CYP4F22: variants seen among roughly 807,000 people sequenced by gnomAD.
CYP4F22 encodes cytochrome P450 family 4 subfamily F member 22, also known as ultra-long-chain fatty acid omega-hydroxylase.
In CYP4F22, 37 loss-of-function variants were observed where a neutral mutation model predicts 60.4. That is an observed-to-expected ratio of 0.61 (90% confidence interval 0.47 to 0.81). The LOEUF (loss-of-function observed/expected upper bound fraction) is 0.81, where lower values mean the gene tolerates loss of function less well. Among genes scored for constraint, CYP4F22 ranks in the 30% least tolerant of loss-of-function variants. The pLI, the probability that CYP4F22 is intolerant of heterozygous loss-of-function variation, is 0.00. For missense variants in CYP4F22, 655 were observed against 715.0 expected (o/e 0.92, Z 0.96); for synonymous variants, 258 against 280.5 (o/e 0.92, Z 0.80).
chr19:15,551,434 T>C lies in CYP4F22; in HGVS notation c.1559T>C (p.Leu520Pro), dbSNP rs1297078466. 6.3e-7 allele frequency: 1 copy of C among 1,583,678 alleles called. No individual in the cohort carries two copies. The highest frequency in any genetic ancestry group is 1.1e-5 in the South Asian group (1 of 87,084). Residue 520 changes from leucine (L) to proline (P), a missense_variant, in exon 14 of 14, where the codon CTC (leucine) becomes CCC (proline). By Grantham distance (98) the Leu-to-Pro change is moderately conservative (BLOSUM62 -3). Around this residue, in one of 3 missense-constraint regions of CYP4F22, gnomAD observed 151 missense variants for 139.4 expected, o/e 1.08. Transcript: ENST00000269703. ...CTCATACTGCGCACGGAGAACGGGC[T>C]CTGGCTCAAGGTGGAGCCGCTGCCT... ...PELILRTENG[L>P]WLKVEPLPPR... is the part of the protein sequence containing the mutation.
At chr19:15,519,918 G>A (rs1424990962) in intron 1 of CYP4F22, among the ~76,000 whole-genome samples, 1 of 152,202 alleles carries the variant, frequency 6.6e-6, no homozygotes, top group Non-Finnish European at 1.5e-5. Context: ...GTCACCCCGA[G>A]GTACAAACAG....
intron 1 of CYP4F22, among the ~76,000 whole-genome samples, chr19:15,510,966 A>ATATTTTT (rs34055543): frequency 1.1e-4 from 11 of 103,306 alleles, no homozygotes; most frequent in African/African-American, 4.1e-4. Flanking sequence ...ATATATATAT[A>ATATTTTT]TTTTTTTTTT....
chr19:15,537,400 TA>T lies in CYP4F22; in HGVS notation c.411del (p.Lys137AsnfsTer4), dbSNP rs1971408638. 3 of 1,614,220 alleles carry T rather than the reference TA, an allele frequency of 1.9e-6. No homozygotes were observed. Among genetic ancestry groups the T allele is most frequent in the Non-Finnish European group, 2.5e-6 (3 of 1,180,020 alleles). ...APKDDLFYGF[L>X]KPWLGDGLLL... ...AAGGATGACCTCTTCTATGGCTTCC[TA>T]AAACCTTGGCTAGGTGAGTGCCCAG... On this transcript the variant is annotated frameshift_variant, in exon 5 of 14. Coordinates refer to ENST00000269703, the MANE Select transcript of CYP4F22 (RefSeq NM_173483.4). LOFTEE classifies it high-confidence loss of function.
intron 1 of CYP4F22, among the ~76,000 whole-genome samples, chr19:15,517,437 C>T (rs535605582): frequency 3.9e-5 from 6 of 152,268 alleles, no homozygotes; most frequent in Non-Finnish European, 7.4e-5. Context: ...GGTAGGGGGA[C>T]GGGGAGGTGA....
intron 4 of CYP4F22, among the ~76,000 whole-genome samples, chr19:15,536,028 T>C (rs1241827532): frequency 6.6e-6 from 1 of 152,062 alleles, no homozygotes; most frequent in Admixed American, 6.6e-5. Flanking sequence ...CGTGGTCTTT[T>C]TAAGGAGCTG....
chr19:15,546,353 G>A (rs1464230316), intron 10 of CYP4F22, among the ~76,000 whole-genome samples: 5 of 152,200 alleles, frequency 3.3e-5, no homozygotes, highest in African/African-American at 1.2e-4. Flanking sequence ...GGAGGCTAAG[G>A]CGGGTGGATC....
Position 15,550,746 on chromosome 19 carries a change from G to T in CYP4F22, c.1408G>T (p.Ala470Ser), listed in dbSNP as rs1356671281. 3.1e-6 allele frequency: 5 copies of T among 1,614,194 alleles called. No homozygotes were observed. The East Asian group carries it at 8.9e-5, about 29-fold the overall frequency. ...RSPLAYVPFSAGPRNCIGQSF... is the reference protein window; with the variant it reads ...RSPLAYVPFSSGPRNCIGQSF... ...TCCACTGGCCTATGTGCCCTTCTCT[G>T]CAGGACCCAGGTAACCCCTCTATTT... Residue 470 changes from alanine (A) to serine (S), a missense_variant, in exon 13 of 14, where the codon GCA becomes TCA. Ala to Ser is a moderately conservative substitution (Grantham distance 99). Around this residue, in one of 3 missense-constraint regions of CYP4F22, gnomAD observed 151 missense variants for 139.4 expected, o/e 1.08. Coordinates refer to ENST00000269703, the MANE Select transcript of CYP4F22 (RefSeq NM_173483.4).
chr19:15,529,682 T>A (rs372685519), intron 3 of CYP4F22, 27 bp from the exon 4 acceptor site: 76 of 1,613,594 alleles, frequency 4.7e-5, no homozygotes, highest in Non-Finnish European at 6.2e-5. Context: ...GGGTACCTCC[T>A]CATTGCTCCT....
rs143506697 is a variant in CYP4F22 at position 15,540,531 on chromosome 19, C to T, written c.753C>T (p.Leu251=). 4.5e-5 allele frequency: 73 copies of T among 1,614,204 alleles called. No individual in the cohort carries two copies. The highest frequency in any genetic ancestry group is 5.9e-5 in the Non-Finnish European group (70 of 1,180,036). ...VRRQYRLHHY[L]DFIYYRSADG... is the part of the protein sequence containing the mutation. ...GCCAGTATCGCTTGCACCACTACCT[C>T]GACTTCATTTACTACCGCTCGGCGG... The change falls in exon 8 of 14, where the codon CTC becomes CTT. Residue 251 remains leucine, a synonymous_variant. Transcript: ENST00000269703.
chr19:15,551,969 C>T lies in CYP4F22; in HGVS notation c.*498C>T. 1 of 156,182 alleles carries T rather than the reference C, an allele frequency of 6.4e-6. No individual in the cohort carries two copies. Among genetic ancestry groups the T allele is most frequent in the Admixed American group, 6.4e-5 (1 of 15,622 alleles). 9.7% of individuals were successfully genotyped at this position (156,182 alleles called of 1,614,324 possible). On this transcript the variant is annotated 3_prime_UTR_variant, in exon 14 of 14. Transcript: ENST00000269703. ...TGGAGCCTGACGTCAGAGCTTTTAA[C>T]TCGGACATCACCCTCCTGAGGCCCT...
At chr19:15,546,100 G>A (rs1243475516) in intron 10 of CYP4F22, among the ~76,000 whole-genome samples, 1 of 152,084 alleles carries the variant, frequency 6.6e-6, no homozygotes, top group Non-Finnish European at 1.5e-5. Context: ...TCAGCCTCCT[G>A]AGTAGGTGGG....
rs565609777 is a variant in CYP4F22, at chr19:15,548,041, G to GTGTT, written c.1137-64_1137-63insTTGT. The GTGTT allele has an allele frequency of 8.4e-5, 113 of 1,348,610 alleles. No individual in the cohort carries two copies. The African/African-American group carries it at 1.6e-3, about 19-fold the overall frequency. 83.5% of individuals were successfully genotyped at this position (1,348,610 alleles called of 1,614,324 possible). On this transcript the variant is annotated intron_variant, in intron 10 of 13. Coordinates refer to ENST00000269703, the MANE Select transcript of CYP4F22 (RefSeq NM_173483.4). ...TGTGTGTGTGTGTGTGTGTGTGTGT[G>GTGTT]TGTGTGTGTTTTGGGGAGGTGGTGC... is the stretch of plus-strand genomic sequence containing the variant.
chr19:15,551,495 C>T lies in CYP4F22; in HGVS notation c.*24C>T, dbSNP rs1320144444. 1 of 1,546,812 alleles carries T rather than the reference C, an allele frequency of 6.5e-7. No individual in the cohort carries two copies. The highest frequency in any genetic ancestry group is 8.7e-7 in the Non-Finnish European group (1 of 1,146,316). On this transcript the variant is annotated 3_prime_UTR_variant, in exon 14 of 14. Coordinates refer to ENST00000269703, the MANE Select transcript of CYP4F22 (RefSeq NM_173483.4). ...GAGCGTGGGCGCGCCCCTGCGGCTC[C>T]CGAGGGTCCAGGCCCCGCCCCCAAA...
At position 15,551,312 on chromosome 19, in the gene CYP4F22, C is replaced by CT; in HGVS notation, c.1439dup (p.Ala481ArgfsTer99). ...CCTCCAGGAATTGCATCGGACAGAG[C>CT]TTCGCCATGGCCGAGTTGCGCGTGG... On this transcript the variant is annotated frameshift_variant, in exon 14 of 14. Coordinates refer to ENST00000269703, the MANE Select transcript of CYP4F22 (RefSeq NM_173483.4). LOFTEE classifies it high-confidence loss of function. The CT allele has an allele frequency of 6.2e-7, 1 of 1,613,206 alleles. No individual in the cohort carries two copies.
chr19:15,522,665 A>G (rs1484937342), intron 1 of CYP4F22, among the ~76,000 whole-genome samples: 1 of 152,184 alleles, frequency 6.6e-6, no homozygotes, highest in Non-Finnish European at 1.5e-5. Context: ...CCTGCGTGAT[A>G]GAGTGAGACC....
intron 1 of CYP4F22, among the ~76,000 whole-genome samples, chr19:15,514,581 C>A (rs1306609738): frequency 2.0e-5 from 3 of 151,856 alleles, no homozygotes; most frequent in Non-Finnish European, 2.9e-5. Context: ...CTGAGGCAGA[C>A]AATTGCTTGA....
chr19:15,512,569 G>T (rs891495041), intron 1 of CYP4F22, among the ~76,000 whole-genome samples: 2 of 151,992 alleles, frequency 1.3e-5, no homozygotes, highest in Admixed American at 6.6e-5. Flanking sequence ...GCCTCCCAAA[G>T]TGCTGGGATT....
intron 1 of CYP4F22, among the ~76,000 whole-genome samples, chr19:15,510,611 C>T (rs1971078178): frequency 6.6e-6 from 1 of 152,116 alleles, no homozygotes; most frequent in Non-Finnish European, 1.5e-5. Flanking sequence ...CTGCAATGGT[C>T]TAGATTATTA....
At chr19:15,517,161 AT>A (rs60965318) in intron 1 of CYP4F22, among the ~76,000 whole-genome samples, 6 of 150,988 alleles carry the variant, frequency 4.0e-5, no homozygotes, top group African/African-American at 1.2e-4. Context: ...TGGCTGCACT[AT>A]TTTTTTTTGT....
Sources: allele counts gnomAD v4.1 joint callset (sites outside exome capture counted in the v4.1 genomes callset), GRCh38; gene constraint gnomAD v4.1.1; regional missense constraint gnomAD v4.1.1; transcripts MANE v1.5; gene names NCBI Gene and HGNC (gene_info 2026-07-23, HGNC 2026-07-21).